Variants in PRKAR1B observed in about 807,000 individuals in gnomAD.
The protein encoded by PRKAR1B is cAMP-dependent protein kinase type I-beta regulatory subunit.
A neutral mutation model predicts 46.5 loss-of-function variants in PRKAR1B; 22 were observed. The ratio of observed to expected loss-of-function variants is 0.47; its 90% confidence interval spans 0.34 to 0.68. PRKAR1B has a LOEUF of 0.68. PRKAR1B is among the 30% of genes least tolerant of loss of function. PRKAR1B has a pLI of 0.01. For synonymous variants in PRKAR1B, 259 were observed against 217.7 expected, an observed-to-expected ratio of 1.19 and a Z score of -1.67; for missense variants, 445 against 535.6, an observed-to-expected ratio of 0.83 and a Z score of 1.67.
At chr7:681,230 G>C (rs1192831396) in intron 2 of PRKAR1B, among the ~76,000 whole-genome samples, 3 of 150,970 alleles carry the variant, frequency 2.0e-5, no homozygotes, top group African/African-American at 4.9e-5. Flanking sequence ...GAGCCATGCA[G>C]AACTGTGAGT....
intron 7 of PRKAR1B, among the ~76,000 whole-genome samples, chr7:588,465 G>T (rs113368202): frequency 6.9e-6 from 1 of 145,418 alleles, no homozygotes; most frequent in African/African-American, 2.7e-5. Context: ...GGTGATGGTG[G>T]TGATGGTGAT....
intron 4 of PRKAR1B, among the ~76,000 whole-genome samples, chr7:656,559 G>A (rs1772321869): frequency 6.7e-6 from 1 of 149,442 alleles, no homozygotes; most frequent in South Asian, 2.1e-4. Context: ...TGAGGGAATG[G>A]ATGGATGGAT....
chr7:661,555 C>G (rs533612121), intron 4 of PRKAR1B, among the ~76,000 whole-genome samples: 3 of 53,256 alleles, frequency 5.6e-5, no homozygotes, highest in Non-Finnish European at 7.5e-5. Context: ...TACTCTCCCC[C>G]CCATGGCACA....
chr7:650,200 A>G (rs1379572324), intron 4 of PRKAR1B, among the ~76,000 whole-genome samples: 5 of 152,124 alleles, frequency 3.3e-5, no homozygotes, highest in Non-Finnish European at 7.4e-5. Flanking sequence ...CAGGTGTGTG[A>G]GTGAGTGTGC....
intron 9 of PRKAR1B, among the ~76,000 whole-genome samples, chr7:570,785 G>A (rs1040272081): frequency 6.6e-6 from 1 of 151,842 alleles, no homozygotes; most frequent in African/African-American, 2.4e-5. Flanking sequence ...CACCCTGCCC[G>A]CTCTCCCACC....
chr7:663,778 C>T (rs895512841), intron 4 of PRKAR1B, among the ~76,000 whole-genome samples: 7 of 152,076 alleles, frequency 4.6e-5, no homozygotes, highest in African/African-American at 1.2e-4. Flanking sequence ...ATCAGGACAG[C>T]GAGACAGCAC....
chr7:709,525 C>T (rs1046976190), intron 2 of PRKAR1B, among the ~76,000 whole-genome samples: 12 of 152,026 alleles, frequency 7.9e-5, no homozygotes, highest in African/African-American at 2.7e-4. Context: ...CGCCTGCCAC[C>T]TCGCCCGGCT....
intron 9 of PRKAR1B, among the ~76,000 whole-genome samples, chr7:568,346 G>A (rs1583216967): frequency 6.6e-6 from 1 of 152,340 alleles, no homozygotes; most frequent in East Asian, 1.9e-4. Context: ...AGCTGACTCT[G>A]GGGAGGGACA....
At chr7:634,801 G>C (rs1783953466) in intron 4 of PRKAR1B, among the ~76,000 whole-genome samples, 1 of 151,894 alleles carries the variant, frequency 6.6e-6, no homozygotes, top group Non-Finnish European at 1.5e-5. Flanking sequence ...CACCATGTCT[G>C]GCTAATTTTT....
At chr7:609,765 G>A (rs1281940511) in intron 4 of PRKAR1B, among the ~76,000 whole-genome samples, 1 of 152,128 alleles carries the variant, frequency 6.6e-6, no homozygotes, top group Non-Finnish European at 1.5e-5. Context: ...TTAAGAGATG[G>A]GGTCTCATTT....
chr7:634,732 A>G (rs1049112665), intron 4 of PRKAR1B, among the ~76,000 whole-genome samples: 10 of 151,110 alleles, frequency 6.6e-5, no homozygotes, highest in Non-Finnish European at 8.9e-5. Context: ...CCCTGCCTTC[A>G]GGGTTCCAGT....
intron 9 of PRKAR1B, among the ~76,000 whole-genome samples, chr7:576,130 C>T (rs558424364): frequency 9.2e-5 from 13 of 142,050 alleles, no homozygotes; most frequent in Non-Finnish European, 1.2e-4. Flanking sequence ...CACGGGCGGG[C>T]GTGCACGCTG....
At chr7:568,379 G>A (rs879499675) in intron 9 of PRKAR1B, among the ~76,000 whole-genome samples, 6 of 152,242 alleles carry the variant, frequency 3.9e-5, no homozygotes, top group Non-Finnish European at 7.3e-5. Flanking sequence ...GGCCACAGCT[G>A]TGGGACTGAG....
intron 1 of PRKAR1B, among the ~76,000 whole-genome samples, chr7:717,614 C>T (rs1292099010): frequency 8.0e-5 from 12 of 150,912 alleles, no homozygotes; most frequent in African/African-American, 2.4e-4. Context: ...GCTATGATTG[C>T]GCCACTGCAC....
intron 1 of PRKAR1B, among the ~76,000 whole-genome samples, chr7:720,142 C>T (rs756971189): frequency 9.9e-5 from 15 of 150,764 alleles, no homozygotes; most frequent in African/African-American, 2.7e-4. Context: ...CTTCAACCTC[C>T]GCCTCCTGGG....
chr7:711,314 G>A lies in PRKAR1B; in HGVS notation c.177+15C>T, dbSNP rs80163679. ...CACGTGCGAAGGGAAGCAGCGGGCG[G>A]CGGGGGCCACTCACCTTCTCCAGCT... On this transcript the variant is annotated intron_variant, in intron 2 of 10. Transcript: ENST00000537384. The A allele has an allele frequency of 6.1e-5, 99 of 1,613,650 alleles. No homozygotes were observed. The highest frequency in any genetic ancestry group is 1.7e-4 in the Middle Eastern group (1 of 6,016).
chr7:607,589 G>C (rs904454128), intron 4 of PRKAR1B, 137 bp from the exon 5 acceptor site: 1 of 788,176 alleles, frequency 1.3e-6, no homozygotes, highest in African/African-American at 1.7e-5. Context: ...AGAGTTCAAA[G>C]AAGAAAATTG....
rs1780499709 is a variant in PRKAR1B at position 584,680 on chromosome 7, A to G, written c.709-112T>C. ...CTCAACTTTTAAATGAGACCCTCCA[A>G]GCATTCCAAGTCCCCAAAGCCCTCG... On this transcript the variant is annotated intron_variant, in intron 7 of 10. Transcript: ENST00000537384. 3 of 904,838 alleles carry G rather than the reference A, an allele frequency of 3.3e-6. No individual in the cohort carries two copies. In the Admixed American group the frequency reaches 6.1e-5, roughly 18 times the overall value. 56.1% of individuals were successfully genotyped at this position (904,838 alleles called of 1,614,324 possible).
chr7:662,357 C>T (rs1785638004), intron 4 of PRKAR1B, among the ~76,000 whole-genome samples: 1 of 137,750 alleles, frequency 7.3e-6, no homozygotes, highest in African/African-American at 2.8e-5. Flanking sequence ...GGCACAGGTC[C>T]CCACCCCAAC....
Sources: allele counts gnomAD v4.1 joint callset (sites outside exome capture counted in the v4.1 genomes callset), GRCh38; gene constraint gnomAD v4.1.1; transcripts MANE v1.5; gene names NCBI Gene and HGNC (gene_info 2026-07-23, HGNC 2026-07-21).